KATNIP: variants seen among roughly 807,000 people sequenced by gnomAD.
The protein encoded by KATNIP is katanin interacting protein.
A neutral mutation model predicts 174.0 loss-of-function variants in KATNIP; 126 were observed. That is an observed-to-expected ratio of 0.72 (90% CI 0.63 to 0.84). The LOEUF (loss-of-function observed/expected upper bound fraction) is 0.84. Ranked by LOEUF, KATNIP falls within the 40% of genes least tolerant of loss-of-function variation. The probability of loss-of-function intolerance (pLI) is 0.00; values close to 1 mark genes in which losing one functional copy is unlikely to be tolerated. For missense variants in KATNIP, 1,958 were observed against 2,109.7 expected (o/e 0.93, Z 1.41); for synonymous variants, 810 against 835.7 (o/e 0.97, Z 0.53).
intron 14 of KATNIP, among the ~76,000 whole-genome samples, chr16:27,724,783 T>C (rs1009633594): frequency 1.3e-5 from 2 of 152,220 alleles, no homozygotes; most frequent in African/African-American, 4.8e-5. Context: ...TGAGAGTTTA[T>C]AGGAAATATA....
intron 18 of KATNIP, among the ~76,000 whole-genome samples, chr16:27,756,849 G>C (rs757848130): frequency 1.3e-5 from 2 of 152,196 alleles, no homozygotes; most frequent in Non-Finnish European, 2.9e-5. Context: ...TCAAGACATG[G>C]TGTCTGCCTC....
intron 7 of KATNIP, among the ~76,000 whole-genome samples, chr16:27,680,686 C>CT (rs1399243197): frequency 7.2e-6 from 1 of 139,174 alleles, no homozygotes; most frequent in Non-Finnish European, 1.6e-5. Flanking sequence ...ACACATCTGG[C>CT]TTTTTTTGCA....
chr16:27,716,007 C>T, intron 13 of KATNIP, among the ~76,000 whole-genome samples: 1 of 151,274 alleles, frequency 6.6e-6, no homozygotes, highest in Non-Finnish European at 1.5e-5. Flanking sequence ...CATGCATGTT[C>T]ATAGCAGCAT....
intron 5 of KATNIP, among the ~76,000 whole-genome samples, chr16:27,647,466 C>T (rs931513251): frequency 2.6e-5 from 4 of 151,158 alleles, no homozygotes; most frequent in Non-Finnish European, 5.9e-5. Context: ...CTCAGCCTCC[C>T]GAGTAGCTGG....
intron 8 of KATNIP, among the ~76,000 whole-genome samples, chr16:27,697,565 T>C (rs2078956232): frequency 1.3e-5 from 2 of 150,250 alleles, no homozygotes; most frequent in African/African-American, 4.9e-5. Flanking sequence ...TTTTGCTTTA[T>C]ATTCTATGTA....
At chr16:27,757,899 T>C (rs1170512575) in intron 18 of KATNIP, among the ~76,000 whole-genome samples, 1 of 152,214 alleles carries the variant, frequency 6.6e-6, no homozygotes, top group East Asian at 1.9e-4. Flanking sequence ...AATTTGCAGA[T>C]GACACTAATT....
At chr16:27,763,441 TAAAAAAAA>T (rs35206356) in intron 19 of KATNIP, among the ~76,000 whole-genome samples, 10 of 68,204 alleles carry the variant, frequency 1.5e-4, no homozygotes, top group South Asian at 9.1e-4. Flanking sequence ...ATTGTGTCTC[TAAAAAAAA>T]AAAAAAAAAA....
chr16:27,616,452 G>T (rs556498745), intron 2 of KATNIP, among the ~76,000 whole-genome samples: 1 of 152,116 alleles, frequency 6.6e-6, no homozygotes, highest in African/African-American at 2.4e-5. Context: ...GAGGCCGGGC[G>T]CAGTGGCTCA....
rs756860773 is a variant in KATNIP, at chr16:27,749,590, C to A, written c.2630C>A (p.Thr877Asn). ...CTTGTGTCCTTTCTTCCAGAAGACA[C>A]CTGGTCTTCCAGGACGCCGTCACGG... ...GDDQPASREDTWSSRTPSRSR... is the reference protein window; with the variant it reads ...GDDQPASREDNWSSRTPSRSR... Residue 877 changes from threonine (T) to asparagine (N), a missense_variant, in exon 16 of 28, where the codon ACC becomes AAC. By Grantham distance (65) the Thr-to-Asn change is moderately conservative. Around this residue, in one of 3 missense-constraint regions of KATNIP, gnomAD observed 1,557 missense variants for 1,617.8 expected, o/e 0.96. Coordinates refer to ENST00000261588, the MANE Select transcript of KATNIP (RefSeq NM_015202.5). 2.0e-6 allele frequency: 3 copies of A among 1,529,112 alleles called. No homozygotes were observed. Among genetic ancestry groups the A allele is most frequent in the Non-Finnish European group, 2.6e-6 (3 of 1,139,540 alleles). 94.7% of individuals were successfully genotyped at this position (1,529,112 alleles called of 1,614,324 possible).
chr16:27,656,273 T>A (rs2142415229), intron 6 of KATNIP, among the ~76,000 whole-genome samples: 1 of 151,224 alleles, frequency 6.6e-6, no homozygotes, highest in African/African-American at 2.4e-5. Flanking sequence ...AAAAAATTAG[T>A]TGGGTGTGGT....
At chr16:27,560,660 T>C (rs1302835606) in intron 1 of KATNIP, among the ~76,000 whole-genome samples, 1 of 152,184 alleles carries the variant, frequency 6.6e-6, no homozygotes, top group Non-Finnish European at 1.5e-5. Context: ...ACTTCCACAC[T>C]GTAAATTGCA....
At chr16:27,701,477 T>G in intron 10 of KATNIP, 112 bp from the exon 11 acceptor site, 3 of 740,246 alleles carry the variant, frequency 4.1e-6, no homozygotes, top group Non-Finnish European at 6.8e-6. Context: ...GTTCCTGTTT[T>G]CTACAAAGGG....
chr16:27,673,463 AACCAGCTCAATAC>A (rs2077992961), intron 6 of KATNIP, among the ~76,000 whole-genome samples: 1 of 152,210 alleles, frequency 6.6e-6, no homozygotes, highest in Non-Finnish European at 1.5e-5. Context: ...AGGTTGCGTG[AACCAGCTCAATAC>A]ACTCAATTAG....
chr16:27,599,427 G>A (rs2075442759), intron 2 of KATNIP, among the ~76,000 whole-genome samples: 1 of 152,124 alleles, frequency 6.6e-6, no homozygotes, highest in South Asian at 2.1e-4. Context: ...TCAGGAGAGT[G>A]GTGAGAGCAG....
chr16:27,744,002 G>A (rs1356683626), intron 15 of KATNIP, among the ~76,000 whole-genome samples: 1 of 152,130 alleles, frequency 6.6e-6, no homozygotes, highest in Non-Finnish European at 1.5e-5. Flanking sequence ...AAGCATTTCA[G>A]TGCTTGGCTC....
intron 2 of KATNIP, among the ~76,000 whole-genome samples, chr16:27,612,496 G>A (rs2075918389): frequency 6.6e-6 from 1 of 152,158 alleles, no homozygotes; most frequent in Non-Finnish European, 1.5e-5. Context: ...GGTGGCTCAC[G>A]CTTGTAATCC....
In KATNIP at chr16:27,750,149, C is replaced by T. The variant is rs780766382; in HGVS notation, c.3189C>T (p.Asp1063=). ...TRGRSHSITI[D]FTHPCHVALI... Reference sequence around the variant, plus strand: ...GCAGATCCCACTCCATCACCATTGACTTCACGCACCCTTGCCACGTTGCCC... The same window carrying T: ...GCAGATCCCACTCCATCACCATTGATTTCACGCACCCTTGCCACGTTGCCC... The change falls in exon 16 of 28, where the codon GAC becomes GAT. Residue 1063 remains aspartate (D), a synonymous_variant. Transcript: ENST00000261588. 1 of 1,614,176 alleles carries T rather than the reference C, an allele frequency of 6.2e-7. No homozygotes were observed. The highest frequency in any genetic ancestry group is 2.2e-5 in the East Asian group (1 of 44,868).
intron 2 of KATNIP, among the ~76,000 whole-genome samples, chr16:27,595,722 TAAAG>T (rs1211317890): frequency 2.0e-5 from 3 of 151,550 alleles, no homozygotes; most frequent in Admixed American, 1.3e-4. Context: ...ACTAAGCAAA[TAAAG>T]AAGCAAAATA....
At chr16:27,697,786 GTGTT>G (rs1312528004) in intron 8 of KATNIP, among the ~76,000 whole-genome samples, 5 of 151,788 alleles carry the variant, frequency 3.3e-5, no homozygotes, top group Non-Finnish European at 5.9e-5. Flanking sequence ...CCCCTGAACT[GTGTT>G]TGTGCATGTG....
Sources: allele counts gnomAD v4.1 joint callset (sites outside exome capture counted in the v4.1 genomes callset), GRCh38; gene constraint gnomAD v4.1.1; regional missense constraint gnomAD v4.1.1; transcripts MANE v1.5; gene names NCBI Gene and HGNC (gene_info 2026-07-23, HGNC 2026-07-21).